The following RABGAP1 variants were observed in gnomAD, a reference collection of about 807,000 sequenced individuals.
RABGAP1 encodes RAB GTPase activating protein 1.
Under a neutral mutation model 137.6 loss-of-function variants are expected in RABGAP1, and 23 were observed. The ratio of observed to expected loss-of-function variants is 0.17; its 90% CI spans 0.12 to 0.24. The LOEUF (loss-of-function observed/expected upper bound fraction) is 0.24. Ranked by LOEUF, RABGAP1 falls within the 10% of genes least tolerant of loss-of-function variation. The pLI, the probability that RABGAP1 is intolerant of heterozygous loss-of-function variation, is 1.00. For synonymous variants in RABGAP1, 451 were observed against 450.7 expected (o/e 1.00, Z -0.01); for missense variants, 906 against 1,275.8 (o/e 0.71, Z 4.42).
chr9:123,065,858 G>C (rs541046244), intron 14 of RABGAP1, among the ~76,000 whole-genome samples: 11 of 152,304 alleles, frequency 7.2e-5, no homozygotes, highest in Admixed American at 5.9e-4. Flanking sequence ...TGCCCATCCA[G>C]GTGTACTTAT....
chr9:123,035,081 G>A, intron 13 of RABGAP1: 4 of 1,614,080 alleles, frequency 2.5e-6, no homozygotes, highest in Non-Finnish European at 3.4e-6. Context: ...GGCAAACCTG[G>A]ATATCATGGA....
At chr9:123,022,233 CTG>C (rs1169208279) in intron 13 of RABGAP1, among the ~76,000 whole-genome samples, 1 of 152,118 alleles carries the variant, frequency 6.6e-6, no homozygotes, top group Non-Finnish European at 1.5e-5. Context: ...GTGTCTGTAA[CTG>C]AATGGATTCT....
chr9:122,988,275 C>T (rs1431525303), intron 4 of RABGAP1, among the ~76,000 whole-genome samples: 1 of 152,132 alleles, frequency 6.6e-6, no homozygotes, highest in Admixed American at 6.5e-5. Context: ...TAGGTATTTC[C>T]GTGATGAGCA....
At chr9:123,058,721 G>A (rs2033848650) in intron 13 of RABGAP1, among the ~76,000 whole-genome samples, 1 of 152,170 alleles carries the variant, frequency 6.6e-6, no homozygotes, top group Non-Finnish European at 1.5e-5. Flanking sequence ...TTCCAACAAT[G>A]CCCAAATTGT....
chr9:123,079,116 C>T (rs1377872789), intron 19 of RABGAP1, among the ~76,000 whole-genome samples: 1 of 151,942 alleles, frequency 6.6e-6, no homozygotes, highest in South Asian at 2.1e-4. Context: ...TTATATAATT[C>T]CTCTGCTTGA....
At chr9:122,946,727 G>GA (rs746267191) in intron 1 of RABGAP1, among the ~76,000 whole-genome samples, 53 of 152,256 alleles carry the variant, frequency 3.5e-4, no homozygotes, top group Admixed American at 9.1e-4. Flanking sequence ...TAGAGTTCTG[G>GA]AAAAAATTAA....
intron 21 of RABGAP1, among the ~76,000 whole-genome samples, chr9:123,093,626 T>C (rs2035096205): frequency 6.6e-6 from 1 of 152,260 alleles, no homozygotes; most frequent in Non-Finnish European, 1.5e-5. Flanking sequence ...TGACCCTAAA[T>C]TGGCGGGTTC....
chr9:123,078,044 A>G (rs2034577456), intron 19 of RABGAP1, among the ~76,000 whole-genome samples: 1 of 152,194 alleles, frequency 6.6e-6, no homozygotes, highest in African/African-American at 2.4e-5. Flanking sequence ...GTATGGAACT[A>G]TGTGTAGCTA....
intron 1 of RABGAP1, among the ~76,000 whole-genome samples, chr9:122,954,087 G>A (rs994301611): frequency 3.3e-5 from 5 of 152,228 alleles, no homozygotes; most frequent in Non-Finnish European, 7.3e-5. Flanking sequence ...TAGAATTAAA[G>A]TCTGAAGGAT....
chr9:123,032,511 A>T (rs1333344138), intron 13 of RABGAP1, among the ~76,000 whole-genome samples: 1 of 152,192 alleles, frequency 6.6e-6, no homozygotes, highest in African/African-American at 2.4e-5. Flanking sequence ...CTGCTGCTTC[A>T]GATTTAAAAT....
chr9:123,066,924 T>C (rs943951255), intron 14 of RABGAP1, among the ~76,000 whole-genome samples: 3 of 152,244 alleles, frequency 2.0e-5, no homozygotes, highest in African/African-American at 7.2e-5. Flanking sequence ...ACACTAATTA[T>C]TTATCAATGT....
At chr9:123,029,269 C>G in intron 13 of RABGAP1, 1 of 509,436 alleles carries the variant, frequency 2.0e-6, no homozygotes, top group Non-Finnish European at 3.5e-6. Context: ...AATAAACTCA[C>G]ATCAGCTGCA....
chr9:123,103,376 C>A lies in RABGAP1; in HGVS notation c.*163C>A. The A allele has an allele frequency of 1.8e-6, 2 of 1,101,100 alleles. No individual in the cohort carries two copies. The highest frequency in any genetic ancestry group is 2.6e-5 in the Admixed American group (1 of 38,514). 68.2% of individuals were successfully genotyped at this position (1,101,100 alleles called of 1,614,324 possible). On this transcript the variant is annotated 3_prime_UTR_variant, in exon 26 of 26. Coordinates refer to ENST00000373647, the MANE Select transcript of RABGAP1 (RefSeq NM_012197.4). Reference sequence around the variant, plus strand: ...ACTGGACCAGAGCTTGTGAAGCAGGCAACCTCTGGGGTAAGACTACTGATA... The same window carrying A: ...ACTGGACCAGAGCTTGTGAAGCAGGAAACCTCTGGGGTAAGACTACTGATA...
chr9:122,985,734 G>A (rs552568645), intron 3 of RABGAP1, among the ~76,000 whole-genome samples: 41 of 152,114 alleles, frequency 2.7e-4, no homozygotes, highest in African/African-American at 7.2e-4. Context: ...GAGGCAGAAA[G>A]GTGAATCAAA....
chr9:123,063,393 T>A (rs1324986684), intron 13 of RABGAP1: 1 of 152,690 alleles, frequency 6.5e-6, no homozygotes, highest in Non-Finnish European at 1.5e-5. Flanking sequence ...TTTTCATGCA[T>A]TTATATGTTC....
intron 1 of RABGAP1, among the ~76,000 whole-genome samples, chr9:122,948,267 G>A (rs1362107525): frequency 6.6e-6 from 1 of 152,058 alleles, no homozygotes; most frequent in Non-Finnish European, 1.5e-5. Flanking sequence ...TGTTTTAGAA[G>A]GGTACAACTG....
At chr9:122,945,230 C>G (rs745758335) in intron 1 of RABGAP1, 3 of 134,264 alleles carry the variant, frequency 2.2e-5, no homozygotes, top group Admixed American at 8.6e-5. Context: ...ATCCTGAGAT[C>G]ATTATTCTTT....
chr9:122,950,797 C>T (rs559584399), intron 1 of RABGAP1, among the ~76,000 whole-genome samples: 1 of 152,110 alleles, frequency 6.6e-6, no homozygotes, highest in East Asian at 1.9e-4. Context: ...TATCAGCATA[C>T]AATAGAAAGC....
intron 12 of RABGAP1, among the ~76,000 whole-genome samples, chr9:123,019,771 A>C (rs192337768): frequency 6.6e-6 from 1 of 152,112 alleles, no homozygotes; most frequent in East Asian, 1.9e-4. Flanking sequence ...GCTTACTGCA[A>C]CCTCCACCTC....
Sources: allele counts gnomAD v4.1 joint callset (sites outside exome capture counted in the v4.1 genomes callset), GRCh38; gene constraint gnomAD v4.1.1; transcripts MANE v1.5; gene names NCBI Gene and HGNC (gene_info 2026-07-23, HGNC 2026-07-21).